Variants in ALG1 observed in about 807,000 individuals in gnomAD.
ALG1 encodes ALG1 chitobiosyldiphosphodolichol beta-mannosyltransferase, also known as chitobiosyldiphosphodolichol beta-mannosyltransferase.
In ALG1, 58 loss-of-function variants were observed where a neutral mutation model predicts 55.1. That is an observed-to-expected ratio of 1.05 (90% CI 0.85 to 1.31). The LOEUF (loss-of-function observed/expected upper bound fraction) is 1.31. Ranked by LOEUF, ALG1 falls within the 50% of genes most tolerant of loss-of-function variation. The pLI is 0.00. For synonymous variants in ALG1, 309 were observed against 247.0 expected (o/e 1.25, Z -2.35); for missense variants, 761 against 598.6 (o/e 1.27, Z -2.83).
rs2142699764 is a variant in ALG1, at chr16:5,072,328, AC to A, written c.208+272del. On this transcript the variant is annotated intron_variant, in intron 1 of 12. Transcript: ENST00000262374. ...AGTAAGTGGAACCCAGGTGCGTGGA[AC>A]TCCAGGGCTAGTGCTGGTAGCTACG... 4 of 1,291,638 alleles carry A rather than the reference AC, an allele frequency of 3.1e-6. No individual in the cohort carries two copies. In the East Asian group the frequency reaches 1.1e-4, roughly 35 times the overall value. 80.0% of individuals were successfully genotyped at this position (1,291,638 alleles called of 1,614,324 possible).
rs368722637 is a variant in ALG1, at chr16:5,078,828, C to G, written c.812C>G (p.Thr271Arg). The change falls in exon 7 of 13, where the codon ACG becomes AGG. Residue 271 changes from threonine to arginine, a missense_variant. Physicochemically the swap from Thr to Arg is moderately conservative, Grantham distance 71. Transcript: ENST00000262374. ...TERDAGSGLVTRLRERPALLV... is the reference protein window; with the variant it reads ...TERDAGSGLVRRLRERPALLV... ...CGGGATGCTGGGAGCGGGCTGGTGA[C>G]GCGTCTCCGTGAGCGGCCAGCCCTG... 3 of 1,612,278 alleles carry G rather than the reference C, an allele frequency of 1.9e-6. No individual in the cohort carries two copies. Among genetic ancestry groups the G allele is most frequent in the Non-Finnish European group, 1.7e-6 (2 of 1,179,790 alleles).
chr16:5,078,812 G>A lies in ALG1; in HGVS notation c.796G>A (p.Gly266Arg), dbSNP rs1284198029. ...GTCGGCCTTCACGGAGCGGGATGCTGGGAGCGGGCTGGTGACGCGTCTCCG... is the reference window on the plus strand; with the variant it reads ...GTCGGCCTTCACGGAGCGGGATGCTAGGAGCGGGCTGGTGACGCGTCTCCG... The part of the protein sequence containing the change: ...ERSAFTERDA[G>R]SGLVTRLRER... Residue 266 changes from glycine to arginine, a missense_variant, in exon 7 of 13, where the codon GGG becomes AGG. Transcript: ENST00000262374. The A allele has an allele frequency of 1.9e-6, 3 of 1,612,620 alleles. No individual in the cohort carries two copies. The highest frequency in any genetic ancestry group is 2.5e-6 in the Non-Finnish European group (3 of 1,179,816).
chr16:5,080,639 A>C (rs569583880), intron 9 of ALG1, among the ~76,000 whole-genome samples: 1 of 152,318 alleles, frequency 6.6e-6, no homozygotes, highest in Non-Finnish European at 1.5e-5. Context: ...CACAACACAG[A>C]CAAAAGGCTG....
chr16:5,077,888 C>A lies in ALG1; in HGVS notation c.630-19C>A, dbSNP rs371014838. On this transcript the variant is annotated intron_variant, in intron 5 of 12. Coordinates refer to ENST00000262374, the MANE Select transcript of ALG1 (RefSeq NM_019109.5). ...CTTTCTTCAGCCCTCCCAATAGCCC[C>A]GTCATGATTTCATTGCAGGGCTGTG... The A allele has an allele frequency of 2.4e-5, 39 of 1,604,584 alleles. No individual in the cohort carries two copies. The highest frequency in any genetic ancestry group is 3.3e-5 in the Non-Finnish European group (39 of 1,177,554).
intron 4 of ALG1, among the ~76,000 whole-genome samples, chr16:5,076,451 C>T (rs2142709682): frequency 6.6e-6 from 1 of 152,334 alleles, no homozygotes; most frequent in South Asian, 2.1e-4. Flanking sequence ...GAGGGTGTAC[C>T]TTTTACAAGT....
Position 5,071,928 on chromosome 16 carries a change from C to A in ALG1, c.79C>A (p.Arg27Ser), listed in dbSNP as rs764315666. The change falls in exon 1 of 13, where the codon CGC (arginine) becomes AGC (serine). Residue 27 changes from arginine to serine, a missense_variant. Physicochemically the swap from Arg to Ser is moderately radical, Grantham distance 110. Transcript: ENST00000262374. ...LLLLGGWKRW[R>S]RGRAARHVVA... ...GCTGCTGGGAGGATGGAAGCGCTGG[C>A]GCCGGGGGCGGGCGGCCCGGCATGT... is the stretch of plus-strand genomic sequence containing the variant. 8 of 1,591,508 alleles carry A rather than the reference C, an allele frequency of 5.0e-6. No individual in the cohort carries two copies. The highest frequency in any genetic ancestry group is 6.8e-6 in the Non-Finnish European group (8 of 1,169,538).
Position 5,072,979 on chromosome 16 carries a change from G to C in ALG1, c.237G>C (p.Gln79His). 6.2e-7 allele frequency: 1 copy of C among 1,614,220 alleles called. No homozygotes were observed. Among genetic ancestry groups the C allele is most frequent in the African/African-American group, 1.3e-5 (1 of 75,048 alleles). Residue 79 changes from glutamine to histidine, a missense_variant, in exon 2 of 13, where the codon CAG becomes CAC. Coordinates refer to ENST00000262374, the MANE Select transcript of ALG1 (RefSeq NM_019109.5). ...CNSKPHDELL[Q>H]NNRIQIVGLT... ...CCAAACCCCATGATGAGCTCTTGCA[G>C]AACAACAGAATTCAGATTGTGGGGT...
intron 3 of ALG1, among the ~76,000 whole-genome samples, chr16:5,074,995 C>T (rs1291001036): frequency 6.6e-6 from 1 of 152,178 alleles, no homozygotes. Flanking sequence ...CCTCATCCTC[C>T]TGGGCTCAAG....
At position 5,083,669 on chromosome 16, in the gene ALG1, G is replaced by C. The variant is rs1957057721; in HGVS notation, c.1188-13G>C. 2.5e-6 allele frequency: 4 copies of C among 1,600,736 alleles called. No homozygotes were observed. Among genetic ancestry groups the C allele is most frequent in the Admixed American group, 3.3e-5 (2 of 59,992 alleles). ...TACAGGCAGCTCTCAGGCTCCCTTGGTTCTCTCTGCAGTTTACATGAGCTG... is the reference window on the plus strand; with the variant it reads ...TACAGGCAGCTCTCAGGCTCCCTTGCTTCTCTCTGCAGTTTACATGAGCTG... On this transcript the variant is annotated splice_polypyrimidine_tract_variant and intron_variant, in intron 11 of 12. Transcript: ENST00000262374.
chr16:5,077,346 A>G, intron 4 of ALG1, 99 bp from the exon 5 acceptor site: 1 of 1,070,842 alleles, frequency 9.3e-7, no homozygotes, highest in Non-Finnish European at 1.4e-6. Context: ...AAACTCTCCC[A>G]GCTCTGCGGC....
Position 5,081,033 on chromosome 16 carries a change from C to T in ALG1, c.1049C>T (p.Ala350Val). 1.9e-6 allele frequency: 3 copies of T among 1,596,318 alleles called. No homozygotes were observed. In the South Asian group the frequency reaches 3.3e-5, roughly 18 times the overall value. Residue 350 changes from alanine (A) to valine (V), a missense_variant, in exon 10 of 13, where the codon GCC becomes GTC. Transcript: ENST00000262374. ...CAGGTCTGCACCCCCTGGCTGGAGG[C>T]CGAGGACTACCCCCTGCTTCTAGGT... Reference protein sequence around the residue: ...HIQVCTPWLEAEDYPLLLGSA... With the variant: ...HIQVCTPWLEVEDYPLLLGSA...
At chr16:5,083,579 A>C in intron 11 of ALG1, 103 bp from the exon 12 acceptor site, 1 of 1,585,730 alleles carries the variant, frequency 6.3e-7, no homozygotes. Flanking sequence ...TCCAACCCCC[A>C]GCCTGGCTTG....
intron 10 of ALG1, 43 bp from the exon 11 acceptor site, chr16:5,082,516 A>G (rs1957032980): frequency 6.3e-7 from 1 of 1,595,940 alleles, no homozygotes; most frequent in African/African-American, 1.3e-5. Flanking sequence ...TTGTGTTCCC[A>G]GGGCAGAGAC....
chr16:5,085,107 C>A lies in ALG1; in HGVS notation c.*226C>A. 1 of 746,916 alleles carries A rather than the reference C, an allele frequency of 1.3e-6. No homozygotes were observed. The highest frequency in any genetic ancestry group is 2.2e-6 in the Non-Finnish European group (1 of 464,240). 46.3% of individuals were successfully genotyped at this position (746,916 alleles called of 1,614,324 possible). ...GAAACGCTTCCTCTCTTCTTCTGTT[C>A]TTCACGCCCCATGCCCCTGCTAGCG... is the stretch of plus-strand genomic sequence containing the variant. On this transcript the variant is annotated 3_prime_UTR_variant, in exon 13 of 13. Coordinates refer to ENST00000262374, the MANE Select transcript of ALG1 (RefSeq NM_019109.5).
chr16:5,078,426 C>G, intron 6 of ALG1: 1 of 600,792 alleles, frequency 1.7e-6, no homozygotes, highest in Non-Finnish European at 3.1e-6. Context: ...TTGTGCAGGT[C>G]TACGCACCCT....
chr16:5,080,900 A>G (rs1478426294), intron 9 of ALG1, 46 bp from the exon 10 acceptor site: 2 of 1,590,544 alleles, frequency 1.3e-6, no homozygotes, highest in African/African-American at 1.3e-5. Flanking sequence ...GCCACGTGGC[A>G]GGGACAGAGA....
At position 5,085,850 on chromosome 16, in the gene ALG1, T is replaced by G. The variant is rs538944992; in HGVS notation, c.*969T>G. ...TAGGGGGGTGTCCAAGTCAGTTTAC[T>G]TGGTTCACAGGTTCCCAGGCCCACC... On this transcript the variant is annotated 3_prime_UTR_variant, in exon 13 of 13. Transcript: ENST00000262374. 9.8e-4 allele frequency: 815 copies of G among 829,230 alleles called. 13 individuals carry two copies. The highest frequency in any genetic ancestry group is 9.8e-3 in the South Asian group (727 of 74,146). The allele number at this position is 829,230 out of a possible 1,614,324, so 51.4% of individuals were successfully genotyped here. A position where few individuals can be genotyped will look rare whatever the true frequency, so the allele number is the denominator to read the frequency against.
At chr16:5,073,362 A>G (rs1596252359) in intron 3 of ALG1, 106 bp downstream of exon 3, 3 of 1,024,564 alleles carry the variant, frequency 2.9e-6, no homozygotes, top group Non-Finnish European at 3.0e-6. Context: ...TGTTGTGTGT[A>G]TGGGCGTTTA....
In ALG1 at chr16:5,084,948, C is replaced by T; in HGVS notation, c.*67C>T. 3 of 1,595,968 alleles carry T rather than the reference C, an allele frequency of 1.9e-6. No individual in the cohort carries two copies. Among genetic ancestry groups the T allele is most frequent in the South Asian group, 2.2e-5 (2 of 90,978 alleles). ...TTCCCGCAGCTTCTTCTTGGAGTCTCAGGGCAAACCCTTTCGAGCAGCACC... is the reference window on the plus strand; with the variant it reads ...TTCCCGCAGCTTCTTCTTGGAGTCTTAGGGCAAACCCTTTCGAGCAGCACC... On this transcript the variant is annotated 3_prime_UTR_variant, in exon 13 of 13. Coordinates refer to ENST00000262374, the MANE Select transcript of ALG1 (RefSeq NM_019109.5).
Sources: gnomAD v4.1 joint callset for allele counts (sites outside exome capture counted in the v4.1 genomes callset) on GRCh38, gnomAD v4.1.1 for gene constraint, MANE v1.5 for transcripts, NCBI Gene and HGNC (gene_info 2026-07-23, HGNC 2026-07-21) for gene names.